The following KIF26B variants were observed in gnomAD, a reference collection of about 807,000 sequenced individuals.
KIF26B encodes the protein kinesin-like protein KIF26B.
In KIF26B, 63 loss-of-function variants were observed where a neutral mutation model predicts 151.2. That is an observed-to-expected ratio of 0.42 (90% CI 0.34 to 0.51). KIF26B has a LOEUF of 0.51. KIF26B is among the 20% of genes least tolerant of loss of function. KIF26B has a pLI of 0.07. For missense variants in KIF26B, 2,813 were observed against 2,913.6 expected (o/e 0.97, Z 0.79); for synonymous variants, 1,357 against 1,262.1 (o/e 1.08, Z -1.59).
intron 2 of KIF26B, among the ~76,000 whole-genome samples, chr1:245,176,153 C>T (rs973516626): frequency 6.6e-6 from 1 of 151,968 alleles, no homozygotes; most frequent in South Asian, 2.1e-4. Flanking sequence ...GCATGAGTCA[C>T]CACGCCCAGC....
chr1:245,515,129 C>T (rs1196570599), intron 4 of KIF26B, among the ~76,000 whole-genome samples: 2 of 152,184 alleles, frequency 1.3e-5, no homozygotes, highest in Admixed American at 6.5e-5. Flanking sequence ...ATGATCACCC[C>T]CTCTTCCATG....
intron 4 of KIF26B, among the ~76,000 whole-genome samples, chr1:245,470,562 C>G (rs1659889120): frequency 1.3e-5 from 2 of 152,154 alleles, no homozygotes; most frequent in Admixed American, 6.5e-5. Flanking sequence ...TCCCGAGTAG[C>G]TGGGACCACA....
At chr1:245,415,749 C>G (rs908254385) in intron 3 of KIF26B, among the ~76,000 whole-genome samples, 4 of 150,930 alleles carry the variant, frequency 2.7e-5, no homozygotes, top group African/African-American at 9.7e-5. Context: ...CAGGAAATGT[C>G]TGCACGTTTC....
chr1:245,295,719 T>C (rs1671325133), intron 2 of KIF26B, among the ~76,000 whole-genome samples: 1 of 152,228 alleles, frequency 6.6e-6, no homozygotes, highest in Non-Finnish European at 1.5e-5. Context: ...GAAATATTAC[T>C]TTTCATGGAC....
At chr1:245,300,096 C>T (rs1671402995) in intron 2 of KIF26B, among the ~76,000 whole-genome samples, 1 of 152,218 alleles carries the variant, frequency 6.6e-6, no homozygotes, top group African/African-American at 2.4e-5. Context: ...AGCTGAAATC[C>T]TGGTATGGAT....
intron 14 of KIF26B, 57 bp downstream of exon 14, chr1:245,699,094 G>C: frequency 6.4e-7 from 1 of 1,563,330 alleles, no homozygotes. Context: ...GCTCAACCGG[G>C]CTGGCGTGTA....
At chr1:245,532,494 C>T (rs566260312) in intron 4 of KIF26B, among the ~76,000 whole-genome samples, 1 of 152,124 alleles carries the variant, frequency 6.6e-6, no homozygotes, top group African/African-American at 2.4e-5. Flanking sequence ...ATCCGCCTGC[C>T]TCGGCCTCCC....
chr1:245,526,617 A>G (rs889083199), intron 4 of KIF26B, among the ~76,000 whole-genome samples: 3 of 152,192 alleles, frequency 2.0e-5, no homozygotes, highest in Non-Finnish European at 4.4e-5. Context: ...ATTAACCAAG[A>G]CGCCCCCAAA....
chr1:245,378,532 C>T (rs914137013), intron 3 of KIF26B, among the ~76,000 whole-genome samples: 19 of 152,162 alleles, frequency 1.2e-4, no homozygotes, highest in Non-Finnish European at 2.2e-4. Flanking sequence ...TGCCCACATC[C>T]TGTCTCACTC....
At chr1:245,178,426 C>G (rs1668846731) in intron 2 of KIF26B, among the ~76,000 whole-genome samples, 2 of 152,106 alleles carry the variant, frequency 1.3e-5, no homozygotes, top group Non-Finnish European at 2.9e-5. Flanking sequence ...TCGTCAGTCT[C>G]TTGGTAGTCT....
intron 2 of KIF26B, among the ~76,000 whole-genome samples, chr1:245,350,848 G>A (rs1291348750): frequency 6.6e-6 from 1 of 152,090 alleles, no homozygotes; most frequent in Non-Finnish European, 1.5e-5. Context: ...AGTCTTCATG[G>A]GTAACTATCT....
chr1:245,658,899 T>C (rs1004097343), intron 10 of KIF26B, among the ~76,000 whole-genome samples: 1 of 152,084 alleles, frequency 6.6e-6, no homozygotes, highest in African/African-American at 2.4e-5. Context: ...TTTTAAATAT[T>C]TGTTTACATA....
chr1:245,581,881 C>T (rs1332336337), intron 5 of KIF26B, among the ~76,000 whole-genome samples: 1 of 149,634 alleles, frequency 6.7e-6, no homozygotes, highest in Non-Finnish European at 1.5e-5. Flanking sequence ...TGGGCCACTG[C>T]ACTCCAGCTT....
At chr1:245,254,091 T>G (rs1185024491) in intron 2 of KIF26B, among the ~76,000 whole-genome samples, 1 of 152,204 alleles carries the variant, frequency 6.6e-6, no homozygotes, top group East Asian at 1.9e-4. Flanking sequence ...ATTACAGGCG[T>G]GAGCCACTGC....
intron 4 of KIF26B, among the ~76,000 whole-genome samples, chr1:245,464,661 TGTGTGTGG>T (rs1446762379): frequency 1.3e-5 from 2 of 149,052 alleles, no homozygotes; most frequent in East Asian, 2.0e-4. Context: ...TGTGCGTGTG[TGTGTGTGG>T]GTGTGTGCAT....
At chr1:245,509,070 C>T (rs1384926598) in intron 4 of KIF26B, among the ~76,000 whole-genome samples, 1 of 152,144 alleles carries the variant, frequency 6.6e-6, no homozygotes, top group African/African-American at 2.4e-5. Flanking sequence ...ATACCAACTC[C>T]TCAGGTTAAG....
At chr1:245,643,626 T>C (rs527758565) in intron 9 of KIF26B, among the ~76,000 whole-genome samples, 2 of 152,334 alleles carry the variant, frequency 1.3e-5, no homozygotes, top group South Asian at 4.1e-4. Context: ...AAAAATTACA[T>C]ATTTACCCAT....
At chr1:245,345,522 G>C (rs1219585946) in intron 2 of KIF26B, among the ~76,000 whole-genome samples, 1 of 152,092 alleles carries the variant, frequency 6.6e-6, no homozygotes, top group African/African-American at 2.4e-5. Flanking sequence ...CCTTTCCTGA[G>C]AGGTCCTCGT....
At chr1:245,348,332 T>C (rs1388470162) in intron 2 of KIF26B, among the ~76,000 whole-genome samples, 1 of 152,206 alleles carries the variant, frequency 6.6e-6, no homozygotes, top group African/African-American at 2.4e-5. Context: ...ATCCCTAGCC[T>C]GGACCTTGAC....
Sources: allele counts gnomAD v4.1 joint callset (sites outside exome capture counted in the v4.1 genomes callset), GRCh38; gene constraint gnomAD v4.1.1; transcripts MANE v1.5; gene names NCBI Gene and HGNC (gene_info 2026-07-23, HGNC 2026-07-21).